The following PPIH variants were observed in gnomAD, a reference collection of about 807,000 sequenced individuals.
The protein encoded by PPIH is peptidylprolyl isomerase H.
PPIH carries 16 observed loss-of-function variants against 27.6 expected under a neutral mutation model. The ratio of observed to expected loss-of-function variants is 0.58; its 90% CI spans 0.39 to 0.88. PPIH has a LOEUF of 0.88. Among genes scored for constraint, PPIH ranks in the 40% least tolerant of loss-of-function variants. The pLI, the probability that PPIH is intolerant of heterozygous loss-of-function variation, is 0.00. For missense variants in PPIH, 155 were observed against 224.1 expected, an observed-to-expected ratio of 0.69 and a Z score of 1.97; for synonymous variants, 63 against 76.1, an observed-to-expected ratio of 0.83 and a Z score of 0.90.
intron 9 of PPIH, among the ~76,000 whole-genome samples, chr1:42,672,322 T>G (rs1304622708): frequency 6.6e-6 from 1 of 152,066 alleles, no homozygotes; most frequent in Non-Finnish European, 1.5e-5. Context: ...TGATGCAGAC[T>G]GTGAGGCAAG....
intron 5 of PPIH, among the ~76,000 whole-genome samples, chr1:42,663,603 T>A (rs1306914143): frequency 6.6e-6 from 1 of 152,160 alleles, no homozygotes; most frequent in Non-Finnish European, 1.5e-5. Flanking sequence ...TCTCACCATG[T>A]TGGCCAGGCT....
chr1:42,680,847 C>G (rs1649998151), downstream of PPIH, among the ~76,000 whole-genome samples: 1 of 152,164 alleles, frequency 6.6e-6, no homozygotes, highest in Non-Finnish European at 1.5e-5. Context: ...ACCATATGGT[C>G]GGCCAAGCTT....
chr1:42,675,265 TAACTAATCCTA>T (rs1649826893), intron 9 of PPIH: 1 of 152,214 alleles, frequency 6.6e-6, no homozygotes. Flanking sequence ...TATGTAGTGT[TAACTAATCCTA>T]AATCCTCCCA....
rs557018989 is a variant in PPIH at position 42,659,925 on chromosome 1, T to C, written c.200+359T>C. Among the ~76,000 whole-genome samples, 4 of 152,346 alleles carry C rather than the reference T, an allele frequency of 2.6e-5. No homozygotes were observed. The South Asian group carries it at 6.2e-4, about 24-fold the overall frequency. On this transcript the variant is annotated intron_variant, in intron 4 of 9. Coordinates refer to ENST00000304979, the MANE Select transcript of PPIH (RefSeq NM_006347.4). Reference sequence around the variant, plus strand: ...ATGATCATATATGATTGTCCAAGGATAATCATATTTCCTGGGGAGTGGAGT... The same window carrying C: ...ATGATCATATATGATTGTCCAAGGACAATCATATTTCCTGGGGAGTGGAGT...
At chr1:42,660,075 T>C (rs1648920714) in intron 4 of PPIH, among the ~76,000 whole-genome samples, 1 of 152,166 alleles carries the variant, frequency 6.6e-6, no homozygotes, top group Admixed American at 6.5e-5. Flanking sequence ...CCAGTAAGAC[T>C]CCTGTGAAGT....
chr1:42,678,442 C>T (rs539810406), downstream of PPIH, among the ~76,000 whole-genome samples: 11 of 152,190 alleles, frequency 7.2e-5, no homozygotes, highest in African/African-American at 2.7e-4. Context: ...CTCTGTCGCC[C>T]AGGCTGCAGT....
At position 42,662,812 on chromosome 1, in the gene PPIH, C is replaced by G. The variant is rs980021871; in HGVS notation, c.243+1908C>G. ...GGCATTTTGGTTTACAGTTGTCAGT[C>G]TTACCTTAGTATGTATATGTGTGTT... On this transcript the variant is annotated intron_variant, in intron 5 of 9. Transcript: ENST00000304979. Among the ~76,000 whole-genome samples the G allele has an allele frequency of 8.5e-5, 13 of 152,310 alleles. No individual in the cohort carries two copies. In the South Asian group the frequency reaches 2.1e-3, roughly 24 times the overall value.
chr1:42,668,317 T>C (rs1183383807), intron 9 of PPIH, among the ~76,000 whole-genome samples: 1 of 152,122 alleles, frequency 6.6e-6, no homozygotes, highest in Non-Finnish European at 1.5e-5. Context: ...CTTTCCCTTC[T>C]TGCCTCCTCA....
rs2148717198 is a variant in PPIH, at chr1:42,666,533, T to C, written c.425-14T>C. On this transcript the variant is annotated splice_polypyrimidine_tract_variant and intron_variant, in intron 7 of 9. Coordinates refer to ENST00000304979, the MANE Select transcript of PPIH (RefSeq NM_006347.4). ...GTAAACAAGAATAAAGTCCAGCTCATGCTCTTCCTACAGGAAAAATCATCG... is the reference window on the plus strand; with the variant it reads ...GTAAACAAGAATAAAGTCCAGCTCACGCTCTTCCTACAGGAAAAATCATCG... The C allele has an allele frequency of 5.0e-6, 8 of 1,613,144 alleles. No individual in the cohort carries two copies. Among genetic ancestry groups the C allele is most frequent in the South Asian group, 1.1e-5 (1 of 91,064 alleles).
Position 42,658,880 on chromosome 1 carries a change from G to C in PPIH, c.103G>C (p.Val35Leu), listed in dbSNP as rs768003546. The change falls in exon 2 of 10, where the codon GTT becomes CTT. Residue 35 changes from valine to leucine, a missense_variant. Val to Leu is a conservative substitution (Grantham distance 32). Around this residue, in one of 2 missense-constraint regions of PPIH, gnomAD observed 59 missense variants for 48.8 expected, o/e 1.21. Coordinates refer to ENST00000304979, the MANE Select transcript of PPIH (RefSeq NM_006347.4). ...GRMKIELFADVVPKTAENFRQ... is the reference protein window; with the variant it reads ...GRMKIELFADLVPKTAENFRQ... ...CATGAAGATCGAGCTCTTTGCAGAC[G>C]TTGTGCCTAAGACGGCCGAGAACTT... The C allele has an allele frequency of 1.9e-5, 31 of 1,614,136 alleles. No homozygotes were observed. The highest frequency in any genetic ancestry group is 2.6e-5 in the Non-Finnish European group (31 of 1,180,054).
At chr1:42,675,457 G>C (rs1181137012) in intron 9 of PPIH, 1 of 152,198 alleles carries the variant, frequency 6.6e-6, no homozygotes, top group Non-Finnish European at 1.5e-5. Flanking sequence ...ATGTAAGTCT[G>C]TTTTTCTCTG....
At chr1:42,659,335 C>T (rs1306541781) in intron 3 of PPIH, 84 bp downstream of exon 3, 1 of 1,614,202 alleles carries the variant, frequency 6.2e-7, no homozygotes, top group Non-Finnish European at 8.5e-7. Flanking sequence ...GAACCACCTG[C>T]TGGCCTTGAA....
intron 5 of PPIH, among the ~76,000 whole-genome samples, chr1:42,663,574 A>C (rs931304901): frequency 6.6e-6 from 1 of 151,708 alleles, no homozygotes; most frequent in Non-Finnish European, 1.5e-5. Context: ...TAATTTTTGT[A>C]TTTTTAGTAG....
chr1:42,659,144 C>T, intron 2 of PPIH, 84 bp from the exon 3 acceptor site: 1 of 1,582,980 alleles, frequency 6.3e-7, no homozygotes, highest in Non-Finnish European at 8.6e-7. Flanking sequence ...TTGCTGGCTC[C>T]AGTGTTTATT....
rs768002112 is a variant in PPIH at position 42,658,831 on chromosome 1, C to T, written c.67-13C>T. ...TTGGACTGGGCCTTCTGACACTCTC[C>T]CGCTGATTGCAGGAAGTTGGCCGCA... On this transcript the variant is annotated splice_polypyrimidine_tract_variant and intron_variant, in intron 1 of 9. Transcript: ENST00000304979. 23 of 1,614,040 alleles carry T rather than the reference C, an allele frequency of 1.4e-5. No homozygotes were observed. Among genetic ancestry groups the T allele is most frequent in the Admixed American group, 3.3e-5 (2 of 60,008 alleles).
chr1:42,671,335 C>T (rs1198099), intron 9 of PPIH, among the ~76,000 whole-genome samples: 35 of 152,014 alleles, frequency 2.3e-4, no homozygotes, highest in Non-Finnish European at 3.5e-4. Context: ...GACAAAGGCA[C>T]GAGAATCTCT....
intron 9 of PPIH, among the ~76,000 whole-genome samples, chr1:42,672,349 G>T (rs1333475793): frequency 1.3e-5 from 2 of 151,884 alleles, no homozygotes; most frequent in South Asian, 2.1e-4. Flanking sequence ...GGGGATAAGA[G>T]TCTATCTTTT....
Position 42,658,483 on chromosome 1 carries a change from G to A in PPIH, c.37G>A (p.Val13Met), listed in dbSNP as rs751964037. The A allele has an allele frequency of 2.5e-6, 4 of 1,614,200 alleles. No homozygotes were observed. The highest frequency in any genetic ancestry group is 3.4e-6 in the Non-Finnish European group (4 of 1,180,026). Residue 13 changes from valine (V) to methionine (M), a missense_variant, in exon 1 of 10, where the codon GTG becomes ATG. Coordinates refer to ENST00000304979, the MANE Select transcript of PPIH (RefSeq NM_006347.4). Reference sequence around the variant, plus strand: ...AAATTCAAGTCCTGTTAACCCCGTGGTGTTCTTTGATGTCAGTATTGGCGG... The same window carrying A: ...AAATTCAAGTCCTGTTAACCCCGTGATGTTCTTTGATGTCAGTATTGGCGG... The part of the protein sequence containing the change: ...VANSSPVNPV[V>M]FFDVSIGGQE...
At chr1:42,662,866 T>C (rs1649117675) in intron 5 of PPIH, among the ~76,000 whole-genome samples, 1 of 152,214 alleles carries the variant, frequency 6.6e-6, no homozygotes, top group Non-Finnish European at 1.5e-5. Context: ...CTTAAAATAA[T>C]CTATATGTTT....
Sources: gnomAD v4.1 joint callset for allele counts (sites outside exome capture counted in the v4.1 genomes callset) on GRCh38, gnomAD v4.1.1 for gene constraint, gnomAD v4.1.1 regional missense constraint, MANE v1.5 for transcripts, NCBI Gene and HGNC (gene_info 2026-07-23, HGNC 2026-07-21) for gene names.